Variants in CNTNAP4 observed in about 807,000 individuals in gnomAD.
The protein encoded by CNTNAP4 is contactin associated protein family member 4.
Under a neutral mutation model 148.4 loss-of-function variants are expected in CNTNAP4, and 98 were observed. The ratio of observed to expected loss-of-function variants is 0.66; its 90% confidence interval spans 0.56 to 0.78. CNTNAP4 has a LOEUF of 0.78. Ranked by LOEUF, CNTNAP4 falls within the 30% of genes least tolerant of loss-of-function variation. The pLI is 0.00. For missense variants in CNTNAP4, 1,935 were observed against 1,565.6 expected, an observed-to-expected ratio of 1.24 and a Z score of -3.98; for synonymous variants, 730 against 565.1, an observed-to-expected ratio of 1.29 and a Z score of -4.14.
intron 4 of CNTNAP4, among the ~76,000 whole-genome samples, chr16:76,433,435 T>C (rs925356533): frequency 2.0e-5 from 3 of 152,192 alleles, no homozygotes; most frequent in Non-Finnish European, 4.4e-5. Context: ...TTAAAACATA[T>C]TAACTTGCAC....
In CNTNAP4 at chr16:76,498,578, C is replaced by G. The variant is rs368916686; in HGVS notation, c.2249C>G (p.Thr750Ser). 2 of 1,611,390 alleles carry G rather than the reference C, an allele frequency of 1.2e-6. No individual in the cohort carries two copies. The highest frequency in any genetic ancestry group is 1.1e-5 in the South Asian group (1 of 90,290). Residue 750 changes from threonine to serine, a missense_variant, in exon 15 of 24, where the codon ACT becomes AGT. By Grantham distance (58) the Thr-to-Ser change is moderately conservative. Coordinates refer to ENST00000611870, the MANE Select transcript of CNTNAP4 (RefSeq NM_033401.5). ...CTATTGTTTTTTAGGACCAATGACA[C>G]TGGATTGCTTGCTTATAAAGAACAT... ...DADRNEWTND[T>S]GLLAYKEHLP...
chr16:76,528,315 C>G (rs2083829070), intron 17 of CNTNAP4, among the ~76,000 whole-genome samples: 1 of 152,190 alleles, frequency 6.6e-6, no homozygotes, highest in Non-Finnish European at 1.5e-5. Flanking sequence ...GACTGGAGTA[C>G]AGTGGTGTGG....
chr16:76,543,012 C>T (rs8048301), intron 21 of CNTNAP4, among the ~76,000 whole-genome samples: 34,090 of 152,010 alleles, frequency 0.22, 4,136 homozygotes, highest in African/African-American at 0.32. Flanking sequence ...CTATATAAGT[C>T]CTCATTTCCC....
intron 2 of CNTNAP4, among the ~76,000 whole-genome samples, chr16:76,333,043 A>T (rs1019395340): frequency 6.6e-6 from 1 of 152,170 alleles, no homozygotes; most frequent in Non-Finnish European, 1.5e-5. Context: ...TCATTAACAG[A>T]TGTTTCTTTC....
chr16:76,461,167 TG>T (rs1442441226), intron 8 of CNTNAP4, among the ~76,000 whole-genome samples: 1 of 152,112 alleles, frequency 6.6e-6, no homozygotes, highest in Non-Finnish European at 1.5e-5. Flanking sequence ...GCATTATGTT[TG>T]GGGGCCACTT....
At chr16:76,491,504 G>A (rs910335074) in intron 13 of CNTNAP4, among the ~76,000 whole-genome samples, 3 of 152,330 alleles carry the variant, frequency 2.0e-5, no homozygotes, top group East Asian at 1.9e-4. Flanking sequence ...CATGGCATGA[G>A]CCCCCCTCAT....
At chr16:76,413,930 T>G (rs999751707) in intron 3 of CNTNAP4, among the ~76,000 whole-genome samples, 16 of 151,322 alleles carry the variant, frequency 1.1e-4, no homozygotes, top group Non-Finnish European at 1.8e-4. Context: ...TAGACTTTTA[T>G]CTAACAGACT....
At chr16:76,475,862 A>G (rs922864377) in intron 10 of CNTNAP4, 77 bp from the exon 11 acceptor site, 2 of 955,000 alleles carry the variant, frequency 2.1e-6, no homozygotes. Context: ...TGTCTTTCTC[A>G]TGACCAAGTA....
intron 3 of CNTNAP4, among the ~76,000 whole-genome samples, chr16:76,403,449 C>A (rs904405270): frequency 2.0e-5 from 3 of 151,988 alleles, no homozygotes; most frequent in Admixed American, 2.0e-4. Flanking sequence ...GAAGAAAATC[C>A]CAATATCACT....
At chr16:76,473,155 T>C (rs1239797378) in intron 10 of CNTNAP4, among the ~76,000 whole-genome samples, 1 of 152,214 alleles carries the variant, frequency 6.6e-6, no homozygotes, top group Admixed American at 6.5e-5. Context: ...ACATTTTTAA[T>C]GAATTCCTGT....
At chr16:76,492,563 C>G (rs2082261167) in intron 13 of CNTNAP4, among the ~76,000 whole-genome samples, 1 of 152,088 alleles carries the variant, frequency 6.6e-6, no homozygotes, top group South Asian at 2.1e-4. Context: ...TGTCCCCACC[C>G]AAATCTCACC....
At chr16:76,401,469 T>C in intron 3 of CNTNAP4, among the ~76,000 whole-genome samples, 1 of 152,180 alleles carries the variant, frequency 6.6e-6, no homozygotes, top group East Asian at 1.9e-4. Flanking sequence ...GGTTTCTAGA[T>C]ATAGAATCAT....
chr16:76,469,836 A>G (rs771044668), intron 10 of CNTNAP4, among the ~76,000 whole-genome samples: 2 of 152,222 alleles, frequency 1.3e-5, no homozygotes, highest in Non-Finnish European at 2.9e-5. Context: ...AAATATAGCA[A>G]AAATCAAAGT....
At chr16:76,321,862 A>G in intron 2 of CNTNAP4, among the ~76,000 whole-genome samples, 1 of 151,906 alleles carries the variant, frequency 6.6e-6, no homozygotes, top group Non-Finnish European at 1.5e-5. Flanking sequence ...AATAACCAAT[A>G]CTTTCTGTAT....
At chr16:76,414,516 T>C (rs1324040171) in intron 3 of CNTNAP4, among the ~76,000 whole-genome samples, 3 of 151,280 alleles carry the variant, frequency 2.0e-5, no homozygotes, top group African/African-American at 7.3e-5. Context: ...CAGATTTTAA[T>C]ATCAGGGTTA....
chr16:76,521,946 T>C, intron 16 of CNTNAP4, 93 bp from the exon 17 acceptor site: 2 of 1,115,118 alleles, frequency 1.8e-6, no homozygotes, highest in Non-Finnish European at 2.7e-6. Context: ...TGTTCAGCGA[T>C]TGTTACGCTG....
At chr16:76,369,487 C>G (rs1160322485) in intron 3 of CNTNAP4, among the ~76,000 whole-genome samples, 1 of 152,148 alleles carries the variant, frequency 6.6e-6, no homozygotes, top group Non-Finnish European at 1.5e-5. Flanking sequence ...TAGTCTAAGT[C>G]TGAAGACCCA....
chr16:76,345,066 A>G (rs992395531), intron 2 of CNTNAP4, among the ~76,000 whole-genome samples: 1 of 152,160 alleles, frequency 6.6e-6, no homozygotes, highest in Non-Finnish European at 1.5e-5. Context: ...TGACCCATCT[A>G]TTCCTTTGAA....
chr16:76,491,337 G>A (rs1255664586), intron 13 of CNTNAP4, among the ~76,000 whole-genome samples: 1 of 152,162 alleles, frequency 6.6e-6, no homozygotes, highest in Non-Finnish European at 1.5e-5. Context: ...TCATTGGCTA[G>A]GTGCATCTAG....
Sources: allele counts gnomAD v4.1 joint callset (sites outside exome capture counted in the v4.1 genomes callset), GRCh38; gene constraint gnomAD v4.1.1; transcripts MANE v1.5; gene names NCBI Gene and HGNC (gene_info 2026-07-23, HGNC 2026-07-21).